PIK3R6: variants seen among roughly 807,000 people sequenced by gnomAD.
PIK3R6 encodes the protein phosphoinositide-3-kinase regulatory subunit 6.
PIK3R6 carries 91 observed loss-of-function variants against 84.9 expected under a neutral mutation model. That is an observed-to-expected ratio of 1.07 (90% CI 0.90 to 1.28). PIK3R6 has a LOEUF of 1.28. Among genes scored for constraint, PIK3R6 ranks in the 50% most tolerant of loss-of-function variants. The pLI is 0.00. For missense variants in PIK3R6, 996 were observed against 985.1 expected (o/e 1.01, Z -0.15); for synonymous variants, 416 against 411.4 (o/e 1.01, Z -0.13).
rs376564787 is a variant in PIK3R6 at position 8,808,127 on chromosome 17, G to A, written c.1996-3974C>T. Among the ~76,000 whole-genome samples, 102 of 152,268 alleles carry A rather than the reference G, an allele frequency of 6.7e-4. 1 individual carries two copies. Among genetic ancestry groups the A allele is most frequent in the African/African-American group, 2.3e-3 (94 of 41,546 alleles). ...CACCAGGGATGACTCCTGGGTTTCCGGCAGAGGTGATTGGTTAATGATGGT... is the reference window on the plus strand; with the variant it reads ...CACCAGGGATGACTCCTGGGTTTCCAGCAGAGGTGATTGGTTAATGATGGT... On this transcript the variant is annotated intron_variant, in intron 18 of 19. Coordinates refer to ENST00000619866, the MANE Select transcript of PIK3R6 (RefSeq NM_001010855.4).
chr17:8,837,057 A>G, intron 5 of PIK3R6, 134 bp from the exon 6 acceptor site: 1 of 678,182 alleles, frequency 1.5e-6, no homozygotes, highest in Non-Finnish European at 2.6e-6. Flanking sequence ...CCTAACAGCC[A>G]GACCTGGGCT....
At chr17:8,804,016 C>T (rs1421463303) in intron 19 of PIK3R6, 25 bp downstream of exon 19, 2 of 1,591,716 alleles carry the variant, frequency 1.3e-6, no homozygotes, top group African/African-American at 2.7e-5. Flanking sequence ...CCCTGGACAT[C>T]TAGGGTTGGC....
chr17:8,823,071 G>T lies in PIK3R6; in HGVS notation c.1642C>A (p.Leu548Met). ...ATGTCCTCAGTAGGGTCTTGGCTCAGGTCACTGAAAAAGATCTGGAGAGAG... is the reference window on the plus strand; with the variant it reads ...ATGTCCTCAGTAGGGTCTTGGCTCATGTCACTGAAAAAGATCTGGAGAGAG... ...IYTVKIFFSD[L>M]SQDPTEDIFL... The change falls in exon 15 of 20, where the codon CTG becomes ATG. Residue 548 changes from leucine to methionine, a missense_variant. Leu to Met is a conservative substitution (Grantham distance 15). Transcript: ENST00000619866. 6.2e-7 allele frequency: 1 copy of T among 1,605,986 alleles called. No individual in the cohort carries two copies. The highest frequency in any genetic ancestry group is 1.1e-5 in the South Asian group (1 of 90,898).
intron 18 of PIK3R6, among the ~76,000 whole-genome samples, chr17:8,808,370 G>A (rs2087262415): frequency 6.6e-6 from 1 of 151,912 alleles, no homozygotes; most frequent in Non-Finnish European, 1.5e-5. Flanking sequence ...AGAGACTTTA[G>A]CATCCATGGA....
At position 8,823,020 on chromosome 17, in the gene PIK3R6, T is replaced by A. The variant is rs1334711057; in HGVS notation, c.1693A>T (p.Ile565Phe). ...DIFLIELKVK[I>F]QDSKFPKDGF... ...CCTTTGGGGAATTTAGAATCTTGGA[T>A]CTTCACCTTCAGTTCAATGAGGAAA... is the stretch of plus-strand genomic sequence containing the variant. The change falls in exon 15 of 20, where the codon ATC becomes TTC. Residue 565 changes from isoleucine (I) to phenylalanine (F), a missense_variant. Transcript: ENST00000619866. 6.2e-7 allele frequency: 1 copy of A among 1,609,616 alleles called. No homozygotes were observed. The highest frequency in any genetic ancestry group is 1.3e-5 in the African/African-American group (1 of 74,768).
Position 8,838,629 on chromosome 17 carries a change from T to G in PIK3R6, c.124A>C (p.Lys42Gln). 1 of 1,605,742 alleles carries G rather than the reference T, an allele frequency of 6.2e-7. No individual in the cohort carries two copies. The highest frequency in any genetic ancestry group is 8.5e-7 in the Non-Finnish European group (1 of 1,176,222). Residue 42 changes from lysine to glutamine, a missense_variant, in exon 4 of 20, where the codon AAG (lysine) becomes CAG (glutamine). By Grantham distance (53) the Lys-to-Gln change is moderately conservative. Transcript: ENST00000619866. ...QGMWRWSLHK[K>Q]VERDPGKSPV... ...CTCTTACCGGGATCTCGCTCGACCT[T>G]CTTGTGCAGGGACCACCTCCACATG...
intron 18 of PIK3R6, among the ~76,000 whole-genome samples, chr17:8,813,075 C>A (rs1214060218): frequency 7.9e-5 from 12 of 152,006 alleles, no homozygotes; most frequent in Admixed American, 7.2e-4. Context: ...ACAATTGATA[C>A]AACAGAAATG....
chr17:8,821,959 AG>A (rs1480524058), intron 16 of PIK3R6, 23 bp from the exon 17 acceptor site: 2 of 1,539,342 alleles, frequency 1.3e-6, no homozygotes, highest in Non-Finnish European at 1.8e-6. Context: ...ATCGAGGAAC[AG>A]GTGGAGGTGC....
intron 18 of PIK3R6, among the ~76,000 whole-genome samples, chr17:8,817,923 C>CTT (rs1253717093): frequency 1.4e-5 from 2 of 142,522 alleles, no homozygotes; most frequent in African/African-American, 5.1e-5. Context: ...TTTTTTTTTC[C>CTT]TTTTTTTTTT....
At chr17:8,811,484 G>A (rs926091459) in intron 18 of PIK3R6, among the ~76,000 whole-genome samples, 1 of 148,202 alleles carries the variant, frequency 6.7e-6, no homozygotes, top group Non-Finnish European at 1.5e-5. Context: ...CTTTTCTATT[G>A]CATTGTCAGG....
intron 1 of PIK3R6, among the ~76,000 whole-genome samples, chr17:8,851,176 T>C (rs539915340): frequency 7.0e-6 from 1 of 143,768 alleles, no homozygotes; most frequent in Non-Finnish European, 1.5e-5. Flanking sequence ...CCATTTTAGA[T>C]ATACAGAAAA....
chr17:8,816,048 C>T (rs2087527995), intron 18 of PIK3R6, among the ~76,000 whole-genome samples: 1 of 152,144 alleles, frequency 6.6e-6, no homozygotes, highest in Non-Finnish European at 1.5e-5. Flanking sequence ...CCAGTTTCCT[C>T]ACAGATAAAG....
intron 2 of PIK3R6, among the ~76,000 whole-genome samples, chr17:8,840,575 C>T (rs187352453): frequency 8.3e-5 from 12 of 145,308 alleles, no homozygotes; most frequent in African/African-American, 2.0e-4. Context: ...TCTCCAAATA[C>T]GTATATGAAG....
At chr17:8,837,221 G>C (rs1200903487) in intron 5 of PIK3R6, among the ~76,000 whole-genome samples, 1 of 152,154 alleles carries the variant, frequency 6.6e-6, no homozygotes, top group Non-Finnish European at 1.5e-5. Flanking sequence ...TGCTCCATCA[G>C]GGAAGCACAT....
chr17:8,854,998 GC>G (rs1299266568), intron 1 of PIK3R6, among the ~76,000 whole-genome samples: 1 of 152,152 alleles, frequency 6.6e-6, no homozygotes, highest in Non-Finnish European at 1.5e-5. Flanking sequence ...TTCAAGACTA[GC>G]CTGGCCAATA....
chr17:8,805,029 G>A lies in PIK3R6; in HGVS notation c.1996-876C>T, dbSNP rs538289996. ...GTTCAGTGTCATCTAGCAGAGGCAC[G>A]AGCAGCAGCCTGAACTAGGAGTTCA... On this transcript the variant is annotated intron_variant, in intron 18 of 19. Coordinates refer to ENST00000619866, the MANE Select transcript of PIK3R6 (RefSeq NM_001010855.4). Among the ~76,000 whole-genome samples, 9 of 152,286 alleles carry A rather than the reference G, an allele frequency of 5.9e-5. No homozygotes were observed. In the South Asian group the frequency reaches 1.2e-3, roughly 21 times the overall value.
At chr17:8,836,945 G>C (rs756950730) in intron 5 of PIK3R6, 22 bp from the exon 6 acceptor site, 2 of 1,511,738 alleles carry the variant, frequency 1.3e-6, no homozygotes, top group Non-Finnish European at 1.8e-6. Flanking sequence ...GGAGGAGGGG[G>C]AGGTGAGAGG....
chr17:8,803,100 C>T lies in PIK3R6; in HGVS notation c.*173G>A, dbSNP rs1367109887. The T allele has an allele frequency of 9.6e-6, 7 of 731,026 alleles. No individual in the cohort carries two copies. The highest frequency in any genetic ancestry group is 1.9e-5 in the South Asian group (1 of 53,600). The allele number at this position is 731,026 out of a possible 1,614,324, so 45.3% of individuals were successfully genotyped here. A position where few individuals can be genotyped will look rare whatever the true frequency, so the allele number is the denominator to read the frequency against. On this transcript the variant is annotated 3_prime_UTR_variant, in exon 20 of 20. Transcript: ENST00000619866. The surrounding 1 kb of genome is among the most constrained non-coding windows in gnomAD (Gnocchi z 5.0). ...GCCATCCGTAGACCTCCATGTGGGC[C>T]CTTCCTCATCACAGTCCCCAGGGTA...
Position 8,836,433 on chromosome 17 carries a change from T to C in PIK3R6, c.461+114A>G, listed in dbSNP as rs1057099716. On this transcript the variant is annotated intron_variant, in intron 7 of 19. Transcript: ENST00000619866. ...GACAAATATCATGGCTGGGGAGGTC[T>C]GCTAGGGCTCTTCTTAATCCAGCCT... The C allele has an allele frequency of 1.2e-5, 14 of 1,133,564 alleles. No homozygotes were observed. In the African/African-American group the frequency reaches 2.1e-4, roughly 17 times the overall value. 70.2% of individuals were successfully genotyped at this position (1,133,564 alleles called of 1,614,324 possible). A position where few individuals can be genotyped will look rare whatever the true frequency, so the allele number is the denominator to read the frequency against.
Sources: allele counts gnomAD v4.1 joint callset (sites outside exome capture counted in the v4.1 genomes callset), GRCh38; gene constraint gnomAD v4.1.1; non-coding constraint Gnocchi (gnomAD v3.1); transcripts MANE v1.5; gene names NCBI Gene and HGNC (gene_info 2026-07-23, HGNC 2026-07-21).